The following SELP variants were observed in gnomAD, a reference collection of about 807,000 sequenced individuals.
SELP encodes P-selectin.
In SELP, 92 loss-of-function variants were observed where a neutral mutation model predicts 104.1. That is an observed-to-expected ratio of 0.88 (90% confidence interval 0.75 to 1.05). SELP has a LOEUF of 1.05. Ranked by LOEUF, SELP falls within the 50% of genes least tolerant of loss-of-function variation. The probability of loss-of-function intolerance (pLI) is 0.00; values close to 1 mark genes in which losing one functional copy is unlikely to be tolerated. For missense variants in SELP, 1,022 were observed against 1,017.3 expected (o/e 1.00, Z -0.06); for synonymous variants, 397 against 364.5 (o/e 1.09, Z -1.01).
intron 1 of SELP, among the ~76,000 whole-genome samples, chr1:169,621,468 C>T (rs1571677804): frequency 7.2e-6 from 1 of 139,462 alleles, no homozygotes; most frequent in Non-Finnish European, 1.5e-5. Context: ...GTGTGTCACG[C>T]CCAGTGATGG....
chr1:169,605,270 G>A (rs1018655645), intron 9 of SELP, among the ~76,000 whole-genome samples: 2 of 152,182 alleles, frequency 1.3e-5, no homozygotes, highest in African/African-American at 4.8e-5. Context: ...GCCAGGATGA[G>A]CACTTAAGGG....
intron 2 of SELP, among the ~76,000 whole-genome samples, chr1:169,618,648 G>T (rs139903090): frequency 3.3e-4 from 50 of 152,234 alleles, no homozygotes; most frequent in Middle Eastern, 3.4e-3. Flanking sequence ...CATTTCCAGG[G>T]CATTGTTTTG....
chr1:169,625,941 C>T (rs1366457280), intron 1 of SELP, among the ~76,000 whole-genome samples: 1 of 152,046 alleles, frequency 6.6e-6, no homozygotes, highest in Non-Finnish European at 1.5e-5. Flanking sequence ...GCCATAAGTG[C>T]TAGGTAGGAA....
chr1:169,609,749 A>G, intron 7 of SELP, 60 bp from the exon 8 acceptor site: 1 of 1,478,788 alleles, frequency 6.8e-7, no homozygotes, highest in Non-Finnish European at 9.2e-7. Context: ...CTTCCTCAGA[A>G]AAAATTCCTA....
At chr1:169,610,295 T>A (rs1416803003) in intron 7 of SELP, among the ~76,000 whole-genome samples, 1 of 152,084 alleles carries the variant, frequency 6.6e-6, no homozygotes, top group Non-Finnish European at 1.5e-5. Context: ...TAATCAGACT[T>A]CAGTTGCCAA....
In SELP at chr1:169,612,183, TGG is replaced by T. The variant is rs751799319; in HGVS notation, c.961+32_961+33del. 1.8e-5 allele frequency: 29 copies of T among 1,602,638 alleles called. No individual in the cohort carries two copies. The South Asian group carries it at 3.0e-4, about 16-fold the overall frequency. The stretch of plus-strand genomic sequence containing the variant: ...TGCACTAAGTAAGGACTGGGTGCAA[TGG>T]ACATTATACATCCCAACTACCTGAA... On this transcript the variant is annotated intron_variant, in intron 6 of 16. Coordinates refer to ENST00000263686, the MANE Select transcript of SELP (RefSeq NM_003005.4).
At chr1:169,629,759 T>A (rs1348473468) in intron 1 of SELP, among the ~76,000 whole-genome samples, 2 of 152,196 alleles carry the variant, frequency 1.3e-5, no homozygotes, top group African/African-American at 4.8e-5. Context: ...GAACAGCAGC[T>A]GCGGAGCCAG....
chr1:169,612,570 C>T (rs1195761145), intron 5 of SELP, among the ~76,000 whole-genome samples, 168 bp from the exon 6 acceptor site: 1 of 152,092 alleles, frequency 6.6e-6, no homozygotes, highest in Non-Finnish European at 1.5e-5. Flanking sequence ...GATCAAACAC[C>T]CTTGTTTTTC....
intron 2 of SELP, among the ~76,000 whole-genome samples, chr1:169,618,397 A>T (rs1170275056): frequency 1.3e-5 from 2 of 152,156 alleles, no homozygotes; most frequent in Non-Finnish European, 2.9e-5. Context: ...AGTGTTTTTG[A>T]TACCAAATGA....
intron 9 of SELP, 96 bp from the exon 10 acceptor site, chr1:169,603,307 CTGTG>C (rs3035296): frequency 0.011 from 6,505 of 604,324 alleles, 23 homozygotes; most frequent in African/African-American, 0.027. Flanking sequence ...CTCTCTCTCT[CTGTG>C]TGTGTGTGTG....
At chr1:169,600,209 T>G (rs1032480674) in intron 10 of SELP, among the ~76,000 whole-genome samples, 1 of 145,030 alleles carries the variant, frequency 6.9e-6, no homozygotes, top group Admixed American at 7.1e-5. Flanking sequence ...TTCAACTCGT[T>G]GTGGATCAAA....
intron 3 of SELP, 98 bp from the exon 4 acceptor site, chr1:169,613,791 G>T: frequency 1.1e-6 from 1 of 947,864 alleles, no homozygotes; most frequent in Non-Finnish European, 1.7e-6. Flanking sequence ...TCTCAGATAG[G>T]ACTGAGCTAG....
chr1:169,615,965 G>C (rs1414059773), intron 3 of SELP, among the ~76,000 whole-genome samples: 1 of 152,164 alleles, frequency 6.6e-6, no homozygotes, highest in African/African-American at 2.4e-5. Context: ...GCTCGGGGCA[G>C]TCCATACCAT....
rs1017785899 is a variant in SELP at position 169,591,329 on chromosome 1, G to A, written c.2438+97C>T. The stretch of plus-strand genomic sequence containing the variant: ...GACATTGCAAAAGACATTGTAAAAA[G>A]GAGGCAGGCATTGCATGTAATCATT... On this transcript the variant is annotated intron_variant, in intron 15 of 16. Coordinates refer to ENST00000263686, the MANE Select transcript of SELP (RefSeq NM_003005.4). 3 of 720,200 alleles carry A rather than the reference G, an allele frequency of 4.2e-6. No homozygotes were observed. The African/African-American group carries it at 5.6e-5, about 13-fold the overall frequency. 44.6% of individuals were successfully genotyped at this position (720,200 alleles called of 1,614,324 possible).
chr1:169,615,036 C>T (rs1662737801), intron 3 of SELP, among the ~76,000 whole-genome samples: 1 of 152,150 alleles, frequency 6.6e-6, no homozygotes, highest in East Asian at 1.9e-4. Context: ...TGTATTCTAT[C>T]CCATTTCAGG....
intron 1 of SELP, among the ~76,000 whole-genome samples, chr1:169,627,300 G>C (rs553783041): frequency 1.3e-5 from 2 of 152,118 alleles, no homozygotes; most frequent in Admixed American, 1.3e-4. Context: ...TGAGAAAAGA[G>C]GTTGTCTCTA....
rs1303824393 is a variant in SELP, at chr1:169,612,281, A to T, written c.897T>A (p.Val299=). Residue 299 remains valine, a synonymous_variant, in exon 6 of 17, where the codon GTT becomes GTA. Coordinates refer to ENST00000263686, the MANE Select transcript of SELP (RefSeq NM_003005.4). ...CTGTGCATTGCACCACTTCCGGTCC[A>T]ACTAATGCAAATCCCTCTTCACAAC... ...SFSCEEGFAL[V]GPEVVQCTAS... is the part of the protein sequence containing the mutation. 6.2e-7 allele frequency: 1 copy of T among 1,614,188 alleles called. No homozygotes were observed. Among genetic ancestry groups the T allele is most frequent in the East Asian group, 2.2e-5 (1 of 44,878 alleles).
At chr1:169,600,775 C>G (rs1461624830) in intron 10 of SELP, among the ~76,000 whole-genome samples, 1 of 152,258 alleles carries the variant, frequency 6.6e-6, no homozygotes, top group Non-Finnish European at 1.5e-5. Flanking sequence ...ATAAGAGGAA[C>G]CATTTGCCTA....
chr1:169,622,346 A>G (rs776950670), intron 1 of SELP, among the ~76,000 whole-genome samples: 7 of 152,254 alleles, frequency 4.6e-5, no homozygotes, highest in Non-Finnish European at 1.0e-4. Context: ...TTTGGGGCAT[A>G]TAACTTGGAA....
Sources: allele counts gnomAD v4.1 joint callset (sites outside exome capture counted in the v4.1 genomes callset), GRCh38; gene constraint gnomAD v4.1.1; transcripts MANE v1.5; gene names NCBI Gene and HGNC (gene_info 2026-07-23, HGNC 2026-07-21).